The following GPC5 variants were observed in gnomAD, a reference collection of about 807,000 sequenced individuals.
GPC5 encodes the protein glypican 5, also known as glypican-5.
GPC5 carries 47 observed loss-of-function variants against 53.9 expected under a neutral mutation model. That is an observed-to-expected ratio of 0.87 (90% CI 0.69 to 1.11). The LOEUF (loss-of-function observed/expected upper bound fraction) is 1.11, where lower values mean the gene tolerates loss of function less well. Ranked by LOEUF, GPC5 falls within the 50% of genes most tolerant of loss-of-function variation. GPC5 has a pLI of 0.00. For synonymous variants in GPC5, 286 were observed against 263.3 expected, an observed-to-expected ratio of 1.09 and a Z score of -0.84; for missense variants, 748 against 713.1, an observed-to-expected ratio of 1.05 and a Z score of -0.56.
chr13:92,061,404 T>G (rs1247601352), intron 6 of GPC5, among the ~76,000 whole-genome samples: 2 of 152,068 alleles, frequency 1.3e-5, no homozygotes, highest in Non-Finnish European at 2.9e-5. Flanking sequence ...GAATTTGTTT[T>G]AGACAGCTTT....
At chr13:91,953,830 A>T (rs529965847) in intron 6 of GPC5, among the ~76,000 whole-genome samples, 1 of 152,178 alleles carries the variant, frequency 6.6e-6, no homozygotes. Flanking sequence ...AACCACAATT[A>T]TAAGAGCTCT....
chr13:92,191,015 A>G (rs996706637), intron 7 of GPC5, among the ~76,000 whole-genome samples: 1 of 152,156 alleles, frequency 6.6e-6, no homozygotes, highest in African/African-American at 2.4e-5. Context: ...TTAAAGCAAA[A>G]GGATGGCAAA....
chr13:92,503,510 C>T (rs1316604817), intron 7 of GPC5, among the ~76,000 whole-genome samples: 1 of 151,052 alleles, frequency 6.6e-6, no homozygotes, highest in Non-Finnish European at 1.5e-5. Context: ...AAAGTAAACT[C>T]CACAGCAAGC....
intron 7 of GPC5, among the ~76,000 whole-genome samples, chr13:92,776,797 A>T (rs1256334437): frequency 1.3e-5 from 2 of 152,082 alleles, no homozygotes; most frequent in Non-Finnish European, 2.9e-5. Flanking sequence ...GCTTAACTGC[A>T]GACAGTCTCC....
At chr13:91,423,465 A>G (rs1594068850) in intron 1 of GPC5, among the ~76,000 whole-genome samples, 1 of 152,292 alleles carries the variant, frequency 6.6e-6, no homozygotes, top group East Asian at 1.9e-4. Context: ...AAACTGGGAG[A>G]TACAGACTTT....
chr13:92,296,675 G>A (rs9523618), intron 7 of GPC5, among the ~76,000 whole-genome samples: 137 of 152,238 alleles, frequency 9.0e-4, no homozygotes, highest in African/African-American at 3.1e-3. Context: ...GGAGAGGCGC[G>A]AGCGGGAACC....
intron 6 of GPC5, among the ~76,000 whole-genome samples, chr13:92,032,660 G>T (rs946336400): frequency 6.6e-6 from 1 of 152,096 alleles, no homozygotes; most frequent in South Asian, 2.1e-4. Context: ...GGCATTGCCT[G>T]TGTGTGTCCT....
chr13:91,832,082 G>A lies in GPC5; in HGVS notation c.1280+75662G>A, dbSNP rs138873653. Among the ~76,000 whole-genome samples the A allele has an allele frequency of 8.9e-4, 135 of 152,040 alleles. 1 individual carries two copies. Among genetic ancestry groups the A allele is most frequent in the African/African-American group, 3.0e-3 (125 of 41,476 alleles). ...AGTGTTCAAGTCTCCCACTATTATT[G>A]TGTGGGAGTTTAAATCTCTTTGTAG... On this transcript the variant is annotated intron_variant, in intron 5 of 7. Coordinates refer to ENST00000377067, the MANE Select transcript of GPC5 (RefSeq NM_004466.6).
intron 5 of GPC5, among the ~76,000 whole-genome samples, chr13:91,796,373 A>C (rs1178098255): frequency 5.9e-5 from 9 of 152,314 alleles, no homozygotes; most frequent in Middle Eastern, 3.4e-3. Flanking sequence ...GACAGCAATC[A>C]GCAGTGGTGG....
At chr13:92,342,404 A>G (rs1481752794) in intron 7 of GPC5, among the ~76,000 whole-genome samples, 2 of 152,026 alleles carry the variant, frequency 1.3e-5, no homozygotes, top group Non-Finnish European at 2.9e-5. Flanking sequence ...CATCCCCAAT[A>G]TTGTGGCATT....
At chr13:91,943,155 C>A (rs994663340) in intron 6 of GPC5, among the ~76,000 whole-genome samples, 7 of 152,012 alleles carry the variant, frequency 4.6e-5, no homozygotes, top group Non-Finnish European at 1.0e-4. Context: ...TCAACTTATG[C>A]ATAAGATTCT....
At chr13:92,816,479 T>C (rs1403366755) in intron 7 of GPC5, among the ~76,000 whole-genome samples, 1 of 152,034 alleles carries the variant, frequency 6.6e-6, no homozygotes, top group Non-Finnish European at 1.5e-5. Flanking sequence ...AAGTTACTCA[T>C]TTCGGAAAGA....
At chr13:92,455,059 G>T (rs1878205915) in intron 7 of GPC5, among the ~76,000 whole-genome samples, 1 of 152,070 alleles carries the variant, frequency 6.6e-6, no homozygotes, top group South Asian at 2.1e-4. Context: ...TTGAGAAAGA[G>T]GTACGAACTC....
rs71427577 is a variant in GPC5 at position 92,486,695 on chromosome 13, T to A, written c.1561+341706T>A. On this transcript the variant is annotated intron_variant, in intron 7 of 7. Coordinates refer to ENST00000377067, the MANE Select transcript of GPC5 (RefSeq NM_004466.6). ...AAAGATCACTGTTTAATTCCTAATA[T>A]GAATCGTGCTCTACTGTCCAAAAAA... Among the ~76,000 whole-genome samples the A allele has an allele frequency of 5.9e-3, 901 of 152,356 alleles. 2 individuals carry two copies. Among genetic ancestry groups the A allele is most frequent in the Non-Finnish European group, 8.2e-3 (560 of 68,038 alleles).
intron 5 of GPC5, among the ~76,000 whole-genome samples, chr13:91,852,889 T>A (rs1231581671): frequency 6.6e-6 from 1 of 152,156 alleles, no homozygotes; most frequent in Admixed American, 6.6e-5. Flanking sequence ...TCATTTCAGA[T>A]ATTTTCGTTA....
chr13:91,631,190 GTACCACTT>G (rs2034148966), intron 2 of GPC5, among the ~76,000 whole-genome samples: 1 of 152,114 alleles, frequency 6.6e-6, no homozygotes, highest in South Asian at 2.1e-4. Context: ...ATTGGCAAGT[GTACCACTT>G]TGGTTTTTGG....
At chr13:91,959,204 A>T (rs971733390) in intron 6 of GPC5, among the ~76,000 whole-genome samples, 3 of 151,954 alleles carry the variant, frequency 2.0e-5, no homozygotes, top group Non-Finnish European at 2.9e-5. Flanking sequence ...AAACAAAATC[A>T]AAAATGAAAT....
At chr13:91,481,859 T>G in intron 2 of GPC5, among the ~76,000 whole-genome samples, 1 of 152,170 alleles carries the variant, frequency 6.6e-6, no homozygotes, top group Non-Finnish European at 1.5e-5. Context: ...TTCTTCATTC[T>G]TCTGTCAGGG....
At chr13:92,055,630 A>C (rs1217692348) in intron 6 of GPC5, among the ~76,000 whole-genome samples, 1 of 152,220 alleles carries the variant, frequency 6.6e-6, no homozygotes, top group Middle Eastern at 3.2e-3. Flanking sequence ...CAATCATACC[A>C]AACAATTTTG....
Sources: allele counts gnomAD v4.1 joint callset (sites outside exome capture counted in the v4.1 genomes callset), GRCh38; gene constraint gnomAD v4.1.1; transcripts MANE v1.5; gene names NCBI Gene and HGNC (gene_info 2026-07-23, HGNC 2026-07-21).